Variants in SLC44A1 observed in about 807,000 individuals in gnomAD.
SLC44A1 encodes the protein choline transporter-like protein 1.
A neutral mutation model predicts 79.3 loss-of-function variants in SLC44A1; 26 were observed. The ratio of observed to expected loss-of-function variants is 0.33; its 90% CI spans 0.24 to 0.46. The LOEUF is 0.46. SLC44A1 is among the 20% of genes least tolerant of loss of function. The probability of loss-of-function intolerance (pLI) is 1.00; values close to 1 mark genes in which losing one functional copy is unlikely to be tolerated. For synonymous variants in SLC44A1, 263 were observed against 286.2 expected (o/e 0.92, Z 0.82); for missense variants, 688 against 798.1 (o/e 0.86, Z 1.66).
At chr9:105,285,463 AT>A (rs1159233667) in intron 1 of SLC44A1, among the ~76,000 whole-genome samples, 3 of 152,200 alleles carry the variant, frequency 2.0e-5, no homozygotes, top group African/African-American at 7.2e-5. Flanking sequence ...AAAAAAAATA[AT>A]TTACCCACTG....
chr9:105,391,333 T>A lies in SLC44A1; in HGVS notation c.*2277T>A, dbSNP rs995525190. 4 of 985,408 alleles carry A rather than the reference T, an allele frequency of 4.1e-6. No individual in the cohort carries two copies. Among genetic ancestry groups the A allele is most frequent in the Non-Finnish European group, 4.8e-6 (4 of 829,620 alleles). 61.0% of individuals were successfully genotyped at this position (985,408 alleles called of 1,614,324 possible). A position where few individuals can be genotyped will look rare whatever the true frequency, so the allele number is the denominator to read the frequency against. On this transcript the variant is annotated 3_prime_UTR_variant, in exon 16 of 16. Transcript: ENST00000374720. ...GTAATCAGAAAGAAATTTTGTATTT[T>A]TGTATAACTTGATTGTGTGCCATTT...
chr9:105,244,991 C>G, intron 1 of SLC44A1, 87 bp downstream of exon 1: 1 of 510,660 alleles, frequency 2.0e-6, no homozygotes, highest in Non-Finnish European at 2.7e-6. Flanking sequence ...CGATACCTCT[C>G]GCTGTCCCCA....
intron 1 of SLC44A1, among the ~76,000 whole-genome samples, chr9:105,250,557 G>T (rs1829559972): frequency 6.6e-6 from 1 of 152,158 alleles, no homozygotes; most frequent in South Asian, 2.1e-4. Flanking sequence ...GACTATAGGG[G>T]ATATATGAGA....
At chr9:105,333,022 A>T (rs1002394495) in intron 3 of SLC44A1, among the ~76,000 whole-genome samples, 1 of 152,342 alleles carries the variant, frequency 6.6e-6, no homozygotes, top group East Asian at 1.9e-4. Context: ...ACCAGAAAGC[A>T]AGTTCACATT....
chr9:105,289,548 C>T (rs1281252912), intron 1 of SLC44A1, among the ~76,000 whole-genome samples: 2 of 152,134 alleles, frequency 1.3e-5, no homozygotes, highest in Non-Finnish European at 2.9e-5. Context: ...AGGAAGGGAA[C>T]CTAGTTCACC....
intron 15 of SLC44A1, chr9:105,386,510 G>A: frequency 2.0e-5 from 15 of 764,606 alleles, no homozygotes; most frequent in Non-Finnish European, 2.4e-5. Flanking sequence ...TGCTGCCTGT[G>A]GGCCGCATAT....
intron 13 of SLC44A1, among the ~76,000 whole-genome samples, chr9:105,382,731 A>T (rs577812157): frequency 6.6e-6 from 1 of 151,944 alleles, no homozygotes; most frequent in Non-Finnish European, 1.5e-5. Context: ...GAAAATGCTT[A>T]GAAAAAATAC....
chr9:105,390,439 A>G lies in SLC44A1; in HGVS notation c.*1383A>G, dbSNP rs1238285467. The stretch of plus-strand genomic sequence containing the variant: ...AAATACAGGCTCTGTACAAAAAAAA[A>G]AAAAAAAAAAAAGCCTCAGCATTTT... On this transcript the variant is annotated 3_prime_UTR_variant, in exon 16 of 16. Transcript: ENST00000374720. 1 of 970,504 alleles carries G rather than the reference A, an allele frequency of 1.0e-6. No individual in the cohort carries two copies. The highest frequency in any genetic ancestry group is 1.8e-5 in the African/African-American group (1 of 56,870). 60.1% of individuals were successfully genotyped at this position (970,504 alleles called of 1,614,324 possible).
At chr9:105,257,185 A>C (rs328000) in intron 1 of SLC44A1, among the ~76,000 whole-genome samples, 30,843 of 150,970 alleles carry the variant, frequency 0.2, 5,367 homozygotes, top group African/African-American at 0.47. Flanking sequence ...CAACCTCCGC[A>C]TCCCGGGTTC....
chr9:105,255,117 A>T lies in SLC44A1; in HGVS notation c.36+10213A>T, dbSNP rs1205934922. The stretch of plus-strand genomic sequence containing the variant: ...GGTTTTTTTGTTTTTTTTTTTTTTT[A>T]ATAATTAAACTGAAAAGTCATGTCA... On this transcript the variant is annotated intron_variant, in intron 1 of 15. Coordinates refer to ENST00000374720, the MANE Select transcript of SLC44A1 (RefSeq NM_080546.5). 5.4e-3 allele frequency among the ~76,000 whole-genome samples: 658 copies of T among 121,460 alleles called. 4 individuals carry two copies. The highest frequency in any genetic ancestry group is 0.021 in the African/African-American group (566 of 27,024). The allele number at this position is 121,460 out of a possible 152,430, so 79.7% of individuals were successfully genotyped here.
At chr9:105,335,940 A>G (rs1826904461) in intron 4 of SLC44A1, among the ~76,000 whole-genome samples, 1 of 152,194 alleles carries the variant, frequency 6.6e-6, no homozygotes, top group South Asian at 2.1e-4. Context: ...AGTATTTTTA[A>G]AATAAATATC....
At chr9:105,277,369 A>G (rs1830232489) in intron 1 of SLC44A1, among the ~76,000 whole-genome samples, 2 of 152,190 alleles carry the variant, frequency 1.3e-5, no homozygotes, top group African/African-American at 2.4e-5. Flanking sequence ...ATTCATGATA[A>G]TGATTTAAAC....
chr9:105,377,355 C>A (rs1396162458), intron 13 of SLC44A1, among the ~76,000 whole-genome samples: 1 of 152,040 alleles, frequency 6.6e-6, no homozygotes, highest in Non-Finnish European at 1.5e-5. Flanking sequence ...ACAATGATTG[C>A]TTTTGGATAT....
chr9:105,353,190 A>T (rs535448728), intron 5 of SLC44A1, among the ~76,000 whole-genome samples: 1 of 151,956 alleles, frequency 6.6e-6, no homozygotes, highest in East Asian at 1.9e-4. Context: ...TTTTTAACTG[A>T]CATAGATTGA....
intron 15 of SLC44A1, among the ~76,000 whole-genome samples, chr9:105,409,194 C>T (rs1228522153): frequency 6.6e-6 from 1 of 152,120 alleles, no homozygotes; most frequent in Non-Finnish European, 1.5e-5. Context: ...CTGCAAGAGA[C>T]TCAATTTACG....
At chr9:105,325,874 A>C (rs939515324) in intron 3 of SLC44A1, among the ~76,000 whole-genome samples, 1 of 152,214 alleles carries the variant, frequency 6.6e-6, no homozygotes, top group Non-Finnish European at 1.5e-5. Flanking sequence ...AAAACATTGA[A>C]TTGCACAGTT....
chr9:105,331,168 A>G (rs1826737791), intron 3 of SLC44A1, among the ~76,000 whole-genome samples: 1 of 152,250 alleles, frequency 6.6e-6, no homozygotes, highest in Non-Finnish European at 1.5e-5. Flanking sequence ...ACTGAGGATA[A>G]CAACGACAAA....
At chr9:105,316,906 T>A (rs958901182) in intron 3 of SLC44A1, among the ~76,000 whole-genome samples, 1 of 152,224 alleles carries the variant, frequency 6.6e-6, no homozygotes, top group African/African-American at 2.4e-5. Flanking sequence ...ATTCATTGCT[T>A]TTAACAACGA....
At chr9:105,263,857 AG>A (rs1003057283) in intron 1 of SLC44A1, among the ~76,000 whole-genome samples, 2 of 152,074 alleles carry the variant, frequency 1.3e-5, no homozygotes, top group Non-Finnish European at 2.9e-5. Context: ...TATTTTAAAG[AG>A]TTAAGCATTT....
Sources: allele counts gnomAD v4.1 joint callset (sites outside exome capture counted in the v4.1 genomes callset), GRCh38; gene constraint gnomAD v4.1.1; transcripts MANE v1.5; gene names NCBI Gene and HGNC (gene_info 2026-07-23, HGNC 2026-07-21).